The following ANKRD42 variants were observed in gnomAD, a reference collection of about 807,000 sequenced individuals.
The protein encoded by ANKRD42 is ankyrin repeat domain 42.
ANKRD42 carries 43 observed loss-of-function variants against 51.5 expected under a neutral mutation model. The ratio of observed to expected loss-of-function variants is 0.83; its 90% CI spans 0.65 to 1.08. The LOEUF is 1.08. Ranked by LOEUF, ANKRD42 falls within the 50% of genes least tolerant of loss-of-function variation. The pLI, the probability that ANKRD42 is intolerant of heterozygous loss-of-function variation, is 0.00. For synonymous variants in ANKRD42, 203 were observed against 213.0 expected, an observed-to-expected ratio of 0.95 and a Z score of 0.41; for missense variants, 608 against 629.3, an observed-to-expected ratio of 0.97 and a Z score of 0.36.
chr11:83,211,627 T>C (rs1303538409), intron 5 of ANKRD42, among the ~76,000 whole-genome samples, 197 bp downstream of exon 5: 1 of 149,096 alleles, frequency 6.7e-6, no homozygotes, highest in Non-Finnish European at 1.5e-5. Flanking sequence ...TGAGACCCAC[T>C]CTCTACAAAA....
chr11:83,263,086 A>AT (rs143625866), downstream of ANKRD42, among the ~76,000 whole-genome samples: 20 of 151,870 alleles, frequency 1.3e-4, no homozygotes, highest in African/African-American at 4.6e-4. Context: ...CTCCAAAGCC[A>AT]TTTTTTTTCT....
At chr11:83,198,138 T>G (rs1195665861) in intron 1 of ANKRD42, among the ~76,000 whole-genome samples, 1 of 152,228 alleles carries the variant, frequency 6.6e-6, no homozygotes, top group Non-Finnish European at 1.5e-5. Flanking sequence ...TAAGTGCTTC[T>G]ACCACTTTAT....
chr11:83,239,550 T>C (rs141896909), intron 8 of ANKRD42, among the ~76,000 whole-genome samples: 1,896 of 152,336 alleles, frequency 0.012, 40 homozygotes, highest in African/African-American at 0.043. Context: ...TCTGTGATCA[T>C]TTTGAGTTAA....
At position 83,205,717 on chromosome 11, in the gene ANKRD42, T is replaced by C. The variant is rs80308214; in HGVS notation, c.223-341T>C. 5.4e-4 allele frequency among the ~76,000 whole-genome samples: 82 copies of C among 152,362 alleles called. 1 individual carries two copies. The East Asian group carries it at 0.014, about 26-fold the overall frequency. On this transcript the variant is annotated intron_variant, in intron 2 of 10. Transcript: ENST00000533342. ...TTTGAGTGAATTTGACTCTTAGATC[T>C]GTTTTCTTTGGCCTGCACAGTATTG...
chr11:83,223,251 A>G (rs1328000914), intron 5 of ANKRD42, among the ~76,000 whole-genome samples: 2 of 152,186 alleles, frequency 1.3e-5, no homozygotes, highest in African/African-American at 4.8e-5. Context: ...CCCTGTCTCA[A>G]AACAAAAATA....
intron 5 of ANKRD42, among the ~76,000 whole-genome samples, chr11:83,217,774 A>G (rs1565185516): frequency 6.6e-6 from 1 of 152,180 alleles, no homozygotes; most frequent in African/African-American, 2.4e-5. Context: ...TGGTTGGACA[A>G]TCTTTAAGTA....
At position 83,248,678 on chromosome 11, in the gene ANKRD42, A is replaced by C; in HGVS notation, c.*474A>C. 1.0e-6 allele frequency: 1 copy of C among 981,048 alleles called. No individual in the cohort carries two copies. The highest frequency in any genetic ancestry group is 1.2e-6 in the Non-Finnish European group (1 of 826,014). The allele number at this position is 981,048 out of a possible 1,614,324, so 60.8% of individuals were successfully genotyped here. The stretch of plus-strand genomic sequence containing the variant: ...TCCTGGCTTCTTTTTATTTTGCACA[A>C]ACTAGTCATTGGTCTCTTTAATAAC... On this transcript the variant is annotated 3_prime_UTR_variant, in exon 11 of 11. Coordinates refer to ENST00000533342, the MANE Select transcript of ANKRD42 (RefSeq NM_001300975.2).
chr11:83,259,309 A>C (rs1419581191), downstream of ANKRD42: 1 of 152,194 alleles, frequency 6.6e-6, no homozygotes, highest in Non-Finnish European at 1.5e-5. Context: ...CTGAAACAAA[A>C]ATTTACCTGA....
Position 83,194,230 on chromosome 11 carries a change from C to T in ANKRD42, c.-441C>T. The T allele has an allele frequency of 2.2e-6, 1 of 462,224 alleles. No individual in the cohort carries two copies. Among genetic ancestry groups the T allele is most frequent in the Non-Finnish European group, 4.3e-6 (1 of 230,838 alleles). 28.6% of individuals were successfully genotyped at this position (462,224 alleles called of 1,614,324 possible). On this transcript the variant is annotated 5_prime_UTR_variant, in exon 1 of 11. Coordinates refer to ENST00000533342, the MANE Select transcript of ANKRD42 (RefSeq NM_001300975.2). The stretch of plus-strand genomic sequence containing the variant: ...AACAGCCAGAGAAGACCGAGGCCTC[C>T]GCCTCAGTGGTCCTTGGGAGGGAGT...
At chr11:83,211,170 A>G (rs552281606) in intron 4 of ANKRD42, 125 bp from the exon 5 acceptor site, 27 of 1,223,530 alleles carry the variant, frequency 2.2e-5, no homozygotes, top group East Asian at 7.0e-5. Flanking sequence ...ACATTTTTCT[A>G]TTAAGTGTTT....
intron 7 of ANKRD42, among the ~76,000 whole-genome samples, chr11:83,230,487 A>C (rs1312769152): frequency 6.6e-6 from 1 of 152,220 alleles, no homozygotes; most frequent in Non-Finnish European, 1.5e-5. Flanking sequence ...AGATCCCACA[A>C]ATAGGTGAGA....
downstream of ANKRD42, among the ~76,000 whole-genome samples, chr11:83,262,909 C>A (rs1864012689): frequency 6.6e-6 from 1 of 152,158 alleles, no homozygotes; most frequent in Admixed American, 6.5e-5. Flanking sequence ...GATCCTGCTA[C>A]TATTTGCTGT....
downstream of ANKRD42, among the ~76,000 whole-genome samples, chr11:83,249,876 G>A (rs576218172): frequency 1.1e-4 from 17 of 152,244 alleles, no homozygotes; most frequent in Non-Finnish European, 2.2e-4. Flanking sequence ...CCTACCTCAT[G>A]GAATTGTATT....
chr11:83,248,302 C>A lies in ANKRD42; in HGVS notation c.*98C>A. 3.2e-6 allele frequency: 1 copy of A among 309,080 alleles called. No individual in the cohort carries two copies. The highest frequency in any genetic ancestry group is 6.1e-5 in the South Asian group (1 of 16,428). 19.1% of individuals were successfully genotyped at this position (309,080 alleles called of 1,614,324 possible). A position where few individuals can be genotyped will look rare whatever the true frequency, so the allele number is the denominator to read the frequency against. On this transcript the variant is annotated 3_prime_UTR_variant, in exon 11 of 11. Transcript: ENST00000533342. ...GATGACAGGATTAAAGGAATACACA[C>A]ACACACACACACACACACACACACA... is the stretch of plus-strand genomic sequence containing the variant.
chr11:83,209,308 T>A (rs1862209700), intron 3 of ANKRD42: 1 of 777,374 alleles, frequency 1.3e-6, no homozygotes, highest in African/African-American at 1.7e-5. Flanking sequence ...TTAAAACATT[T>A]TCTTGAGGCC....
Position 83,224,925 on chromosome 11 carries a change from G to T in ANKRD42, c.657G>T (p.Thr219=). 6.2e-7 allele frequency: 1 copy of T among 1,612,978 alleles called. No homozygotes were observed. The highest frequency in any genetic ancestry group is 8.5e-7 in the Non-Finnish European group (1 of 1,179,298). ...KFLVSRMSSA[T]QVLKAFNDNG... is the part of the protein sequence containing the mutation. ...TAGTCAGTAGAATGAGCAGTGCGAC[G>T]CAAGTTTTAAAAGCTTTCAATGATA... is the stretch of plus-strand genomic sequence containing the variant. Residue 219 remains threonine, a synonymous_variant, in exon 6 of 11, where the codon ACG becomes ACT. Coordinates refer to ENST00000533342, the MANE Select transcript of ANKRD42 (RefSeq NM_001300975.2).
At position 83,216,095 on chromosome 11, in the gene ANKRD42, T is replaced by A. The variant is rs1050638459; in HGVS notation, c.586+4665T>A. On this transcript the variant is annotated intron_variant, in intron 5 of 10. Transcript: ENST00000533342. Reference sequence around the variant, plus strand: ...CAGGCGTAAGCCACTGTGCCTCACCTATTTACATATTTTTGTATTTCCTAT... The same window carrying A: ...CAGGCGTAAGCCACTGTGCCTCACCAATTTACATATTTTTGTATTTCCTAT... Among the ~76,000 whole-genome samples the A allele has an allele frequency of 2.6e-5, 4 of 152,020 alleles. No homozygotes were observed. The South Asian group carries it at 8.3e-4, about 32-fold the overall frequency.
intron 8 of ANKRD42, among the ~76,000 whole-genome samples, chr11:83,237,652 G>T (rs1014161687): frequency 6.6e-6 from 1 of 152,182 alleles, no homozygotes; most frequent in African/African-American, 2.4e-5. Context: ...ATGACTTGGA[G>T]TGTGGTTTTG....
At chr11:83,216,035 TCCAC>T (rs1227558221) in intron 5 of ANKRD42, among the ~76,000 whole-genome samples, 1 of 152,232 alleles carries the variant, frequency 6.6e-6, no homozygotes, top group East Asian at 1.9e-4. Context: ...CCTCAAGTGA[TCCAC>T]CCACCTCGGC....
Sources: gnomAD v4.1 joint callset for allele counts (sites outside exome capture counted in the v4.1 genomes callset) on GRCh38, gnomAD v4.1.1 for gene constraint, MANE v1.5 for transcripts, NCBI Gene and HGNC (gene_info 2026-07-23, HGNC 2026-07-21) for gene names.